The following SYNPR variants were observed in gnomAD, a reference collection of about 807,000 sequenced individuals.
SYNPR encodes the protein synaptoporin.
SYNPR carries 23 observed loss-of-function variants against 32.9 expected under a neutral mutation model. The ratio of observed to expected loss-of-function variants is 0.70; its 90% CI spans 0.50 to 0.99. The LOEUF is 0.99. SYNPR is among the 50% of genes least tolerant of loss of function. The probability of loss-of-function intolerance (pLI) is 0.00; values close to 1 mark genes in which losing one functional copy is unlikely to be tolerated. For synonymous variants in SYNPR, 146 were observed against 135.9 expected, an observed-to-expected ratio of 1.07 and a Z score of -0.52; for missense variants, 318 against 349.3, an observed-to-expected ratio of 0.91 and a Z score of 0.71.
intron 2 of SYNPR, among the ~76,000 whole-genome samples, chr3:63,294,330 A>G (rs1230664586): frequency 6.6e-6 from 1 of 152,210 alleles, no homozygotes; most frequent in African/African-American, 2.4e-5. Context: ...TCAGTTGGGT[A>G]TTACCAGTTA....
At chr3:63,284,114 T>A (rs558030500) in intron 2 of SYNPR, among the ~76,000 whole-genome samples, 2 of 152,274 alleles carry the variant, frequency 1.3e-5, no homozygotes, top group African/African-American at 4.8e-5. Context: ...GACCCACAGG[T>A]AATTCTTATT....
At chr3:63,369,397 A>AAAGT (rs2087768438) in intron 2 of SYNPR, among the ~76,000 whole-genome samples, 1 of 152,240 alleles carries the variant, frequency 6.6e-6, no homozygotes, top group African/African-American at 2.4e-5. Flanking sequence ...TGGAAAGAGG[A>AAAGT]GCACCCAGTA....
At chr3:63,218,347 A>C in the SYNPR span, among the ~76,000 whole-genome samples, 1 of 152,282 alleles carries the variant, frequency 6.6e-6, no homozygotes, top group Admixed American at 6.5e-5. Flanking sequence ...TCTCCAATAG[A>C]GGGATGAAGG....
intron 2 of SYNPR, among the ~76,000 whole-genome samples, chr3:63,395,362 G>A (rs115889571): frequency 6.6e-6 from 1 of 152,260 alleles, no homozygotes; most frequent in Non-Finnish European, 1.5e-5. Context: ...TTTTCCAGAA[G>A]GGTTCCACAC....
intron 2 of SYNPR, among the ~76,000 whole-genome samples, chr3:63,465,692 C>T (rs1461964538): frequency 1.3e-5 from 2 of 152,016 alleles, no homozygotes; most frequent in Non-Finnish European, 2.9e-5. Context: ...ATCTTTCCTC[C>T]CATAAACAAA....
intron 2 of SYNPR, among the ~76,000 whole-genome samples, chr3:63,402,914 T>C (rs78707750): frequency 0.086 from 13,107 of 152,188 alleles, 956 homozygotes; most frequent in African/African-American, 0.19. Flanking sequence ...TAAACTTTTC[T>C]GAAACATGAA....
intron 2 of SYNPR, among the ~76,000 whole-genome samples, chr3:63,466,793 A>G (rs184800138): frequency 7.3e-4 from 98 of 134,954 alleles, no homozygotes; most frequent in African/African-American, 3.3e-3. Flanking sequence ...TAAGGGCACT[A>G]ATCCTATCAA....
intron 3 of SYNPR, among the ~76,000 whole-genome samples, chr3:63,501,171 A>G (rs769211479): frequency 9.9e-5 from 15 of 152,254 alleles, no homozygotes; most frequent in Non-Finnish European, 1.9e-4. Flanking sequence ...TACTCACCTC[A>G]TAGGGTTATT....
At chr3:63,308,422 A>T (rs1451163654) in intron 2 of SYNPR, among the ~76,000 whole-genome samples, 1 of 151,914 alleles carries the variant, frequency 6.6e-6, no homozygotes, top group Non-Finnish European at 1.5e-5. Flanking sequence ...CTTCATTTCT[A>T]TGTACAGATC....
chr3:63,321,911 A>T (rs932256057), intron 2 of SYNPR, among the ~76,000 whole-genome samples: 1 of 152,074 alleles, frequency 6.6e-6, no homozygotes, highest in African/African-American at 2.4e-5. Flanking sequence ...AAAAGCAGCC[A>T]TGTCAGTCTT....
At chr3:63,612,170 G>C (rs1473708673) in intron 5 of SYNPR, among the ~76,000 whole-genome samples, 1 of 152,010 alleles carries the variant, frequency 6.6e-6, no homozygotes, top group South Asian at 2.1e-4. Flanking sequence ...CTGTAAAGTG[G>C]GGATAATTGT....
chr3:63,304,956 A>G (rs144105637), intron 2 of SYNPR, among the ~76,000 whole-genome samples: 2 of 152,052 alleles, frequency 1.3e-5, no homozygotes, highest in African/African-American at 4.8e-5. Flanking sequence ...AACAGTGGAG[A>G]AAGTTATATT....
intron 2 of SYNPR, among the ~76,000 whole-genome samples, chr3:63,403,318 C>A (rs2088316536): frequency 6.6e-6 from 1 of 151,758 alleles, no homozygotes; most frequent in South Asian, 2.1e-4. Context: ...TAATAGAGTC[C>A]ACGAAGCCTT....
chr3:63,613,610 CAAAAAAAAA>C (rs10566584), intron 5 of SYNPR, among the ~76,000 whole-genome samples: 17 of 46,024 alleles, frequency 3.7e-4, no homozygotes, highest in African/African-American at 7.4e-4. Flanking sequence ...TATGCTGCAG[CAAAAAAAAA>C]AAAAAAAAAA....
chr3:63,494,524 T>TACATAC lies in SYNPR; in HGVS notation c.209+13569_209+13570insCATACA, dbSNP rs1201508094. 2.1e-3 allele frequency among the ~76,000 whole-genome samples: 124 copies of TACATAC among 60,422 alleles called. 6 individuals carry two copies. Among genetic ancestry groups the TACATAC allele is most frequent in the East Asian group, 3.4e-3 (11 of 3,264 alleles). 39.6% of individuals were successfully genotyped at this position (60,422 alleles called of 152,430 possible). A position where few individuals can be genotyped will look rare whatever the true frequency, so the allele number is the denominator to read the frequency against. On this transcript the variant is annotated intron_variant, in intron 3 of 5. Coordinates refer to ENST00000478300, the MANE Select transcript of SYNPR (RefSeq NM_001130003.2). ...ATATATACATATATACATATATACATATATATATATGGCAAAGATCATCAT... is the reference window on the plus strand; with the variant it reads ...ATATATACATATATACATATATACATACATACATATATATATGGCAAAGATCATCAT...
At chr3:63,550,661 A>C (rs1702484359) in intron 3 of SYNPR, among the ~76,000 whole-genome samples, 1 of 152,220 alleles carries the variant, frequency 6.6e-6, no homozygotes, top group African/African-American at 2.4e-5. Context: ...TAGTTTGTGC[A>C]TGTCAGCTGA....
intron 2 of SYNPR, among the ~76,000 whole-genome samples, chr3:63,435,750 C>G (rs1239551379): frequency 2.0e-5 from 3 of 152,302 alleles, no homozygotes; most frequent in South Asian, 4.1e-4. Context: ...CTCACATATA[C>G]ACAAATTTCA....
chr3:63,317,552 C>T (rs1378302796), intron 2 of SYNPR, among the ~76,000 whole-genome samples: 1 of 151,832 alleles, frequency 6.6e-6, no homozygotes, highest in Non-Finnish European at 1.5e-5. Flanking sequence ...GAATGGCTAC[C>T]CCCTGCTCAC....
chr3:63,552,390 A>C (rs1702518405), intron 3 of SYNPR, among the ~76,000 whole-genome samples: 1 of 152,284 alleles, frequency 6.6e-6, no homozygotes, highest in Middle Eastern at 3.4e-3. Flanking sequence ...TTCTAATATC[A>C]CTGGCAAGGG....
Sources: gnomAD v4.1 joint callset for allele counts (sites outside exome capture counted in the v4.1 genomes callset) on GRCh38, gnomAD v4.1.1 for gene constraint, MANE v1.5 for transcripts, NCBI Gene and HGNC (gene_info 2026-07-23, HGNC 2026-07-21) for gene names.